The following MAP3K5 variants were observed in gnomAD, a reference collection of about 807,000 sequenced individuals.
MAP3K5 encodes ASK-1.
A neutral mutation model predicts 158.7 loss-of-function variants in MAP3K5; 56 were observed. The ratio of observed to expected loss-of-function variants is 0.35; its 90% CI spans 0.28 to 0.44. MAP3K5 has a LOEUF of 0.44. Among genes scored for constraint, MAP3K5 ranks in the 20% least tolerant of loss-of-function variants. MAP3K5 has a pLI of 1.00. For synonymous variants in MAP3K5, 579 were observed against 601.7 expected (o/e 0.96, Z 0.55); for missense variants, 1,294 against 1,674.8 (o/e 0.77, Z 3.97).
chr6:136,708,437 G>A (rs1053944753), intron 2 of MAP3K5, among the ~76,000 whole-genome samples: 1 of 151,932 alleles, frequency 6.6e-6, no homozygotes, highest in Admixed American at 6.6e-5. Context: ...TGTATTTTTA[G>A]TAGAGATGGG....
At chr6:136,632,838 T>C (rs147498419) in intron 14 of MAP3K5, among the ~76,000 whole-genome samples, 208 of 152,274 alleles carry the variant, frequency 1.4e-3, no homozygotes, top group Middle Eastern at 6.8e-3. Context: ...CTCTGATCAA[T>C]TGTTTGATGA....
intron 12 of MAP3K5, 69 bp downstream of exon 12, chr6:136,642,451 T>C: frequency 1.9e-6 from 2 of 1,049,074 alleles, no homozygotes; most frequent in East Asian, 2.4e-5. Flanking sequence ...TGATTAGAAG[T>C]TCTATCCAGC....
At chr6:136,657,757 G>A (rs1236581618) in intron 9 of MAP3K5, among the ~76,000 whole-genome samples, 1 of 152,120 alleles carries the variant, frequency 6.6e-6, no homozygotes, top group Non-Finnish European at 1.5e-5. Context: ...CTGGTGTGAT[G>A]GATGAGTGTT....
rs145350303 is a variant in MAP3K5 at position 136,712,135 on chromosome 6, GCT to G, written c.589-7004_589-7003del. On this transcript the variant is annotated intron_variant, in intron 2 of 29. Coordinates refer to ENST00000359015, the MANE Select transcript of MAP3K5 (RefSeq NM_005923.4). ...TATCTGTCTCTAAACTGGCTGGAAT[GCT>G]GATGAATGACATTTTATACATAAAG... is the stretch of plus-strand genomic sequence containing the variant. 4.5e-3 allele frequency among the ~76,000 whole-genome samples: 686 copies of G among 151,088 alleles called. 24 individuals are homozygous for G. In the East Asian group the frequency reaches 0.076, roughly 17 times the overall value.
At chr6:136,579,455 C>T (rs937226721) in intron 25 of MAP3K5, among the ~76,000 whole-genome samples, 3 of 152,122 alleles carry the variant, frequency 2.0e-5, no homozygotes, top group South Asian at 2.1e-4. Flanking sequence ...GGCTACTCAT[C>T]GACATGACCT....
At chr6:136,725,010 T>A (rs2224378) in intron 1 of MAP3K5, among the ~76,000 whole-genome samples, 55,488 of 152,026 alleles carry the variant, frequency 0.36, 12,008 homozygotes, top group Middle Eastern at 0.49. Context: ...TTTCCCAGAA[T>A]GTCATATAAA....
intron 1 of MAP3K5, among the ~76,000 whole-genome samples, chr6:136,743,278 G>GT (rs1194900146): frequency 2.6e-5 from 4 of 151,998 alleles, no homozygotes; most frequent in Non-Finnish European, 5.9e-5. Context: ...GTGAAACCCC[G>GT]TGTCTACTAA....
At chr6:136,659,421 C>A (rs905893171) in intron 8 of MAP3K5, 43 bp from the exon 9 acceptor site, 43 of 1,580,332 alleles carry the variant, frequency 2.7e-5, no homozygotes, top group Non-Finnish European at 3.4e-5. Context: ...ATGCACCCCA[C>A]ACAGGTAGAA....
chr6:136,742,264 T>C (rs1409740307), intron 1 of MAP3K5, among the ~76,000 whole-genome samples: 1 of 152,112 alleles, frequency 6.6e-6, no homozygotes, highest in Non-Finnish European at 1.5e-5. Context: ...GACAGTGTGG[T>C]GTAGGTGAAA....
At chr6:136,652,757 A>C (rs1166541611) in intron 10 of MAP3K5, among the ~76,000 whole-genome samples, 2 of 152,194 alleles carry the variant, frequency 1.3e-5, no homozygotes, top group Non-Finnish European at 2.9e-5. Context: ...ATAAAATCTG[A>C]ACTATGTGTC....
intron 10 of MAP3K5, among the ~76,000 whole-genome samples, chr6:136,653,159 G>A (rs1186235475): frequency 1.3e-5 from 2 of 152,124 alleles, no homozygotes; most frequent in Non-Finnish European, 2.9e-5. Context: ...GTTAGATAAT[G>A]AGTTGATGGT....
intron 7 of MAP3K5, among the ~76,000 whole-genome samples, chr6:136,673,268 T>C (rs1263600621): frequency 6.6e-6 from 1 of 152,182 alleles, no homozygotes. Context: ...TCTTACCCTA[T>C]CTGGCTAACA....
intron 26 of MAP3K5, among the ~76,000 whole-genome samples, chr6:136,562,956 G>A (rs1830584067): frequency 6.6e-6 from 1 of 151,050 alleles, no homozygotes. Flanking sequence ...GGGATTATAG[G>A]TGTGTGCATG....
At chr6:136,567,609 C>A (rs1390428196) in intron 26 of MAP3K5, 22 bp downstream of exon 26, 1 of 1,589,506 alleles carries the variant, frequency 6.3e-7, no homozygotes, top group African/African-American at 1.3e-5. Context: ...AAGAAACCAA[C>A]CCACGTCAGT....
chr6:136,713,382 G>A (rs1256898889), intron 2 of MAP3K5, among the ~76,000 whole-genome samples: 1 of 152,170 alleles, frequency 6.6e-6, no homozygotes, highest in African/African-American at 2.4e-5. Flanking sequence ...TATCAGGAAG[G>A]AGAAAGCAAG....
chr6:136,606,367 A>C (rs1776102167), intron 18 of MAP3K5, among the ~76,000 whole-genome samples: 1 of 152,132 alleles, frequency 6.6e-6, no homozygotes, highest in South Asian at 2.1e-4. Flanking sequence ...ACAAACAAAC[A>C]AAAAGAATAC....
intron 23 of MAP3K5, among the ~76,000 whole-genome samples, chr6:136,591,407 T>C (rs1004423789): frequency 1.3e-5 from 2 of 152,264 alleles, no homozygotes; most frequent in Non-Finnish European, 2.9e-5. Context: ...CAGAATAGGC[T>C]CTGGCCACCC....
At chr6:136,748,035 C>G (rs923595383) in intron 1 of MAP3K5, among the ~76,000 whole-genome samples, 5 of 151,726 alleles carry the variant, frequency 3.3e-5, no homozygotes, top group Non-Finnish European at 5.9e-5. Context: ...AAAATGATCT[C>G]TAAAAAAAAA....
chr6:136,740,013 G>A (rs955198842), intron 1 of MAP3K5, among the ~76,000 whole-genome samples: 4 of 152,162 alleles, frequency 2.6e-5, no homozygotes, highest in Non-Finnish European at 5.9e-5. Flanking sequence ...TGGCCCCGGG[G>A]CTTCCACAGG....
Sources: gnomAD v4.1 joint callset for allele counts (sites outside exome capture counted in the v4.1 genomes callset) on GRCh38, gnomAD v4.1.1 for gene constraint, MANE v1.5 for transcripts, NCBI Gene and HGNC (gene_info 2026-07-23, HGNC 2026-07-21) for gene names.